Variants in EMCN observed in about 807,000 individuals in gnomAD.
EMCN encodes the protein MUC-14.
A neutral mutation model predicts 38.4 loss-of-function variants in EMCN; 37 were observed. The observed-to-expected ratio is 0.96, with a 90% CI of 0.74 to 1.27. The LOEUF (loss-of-function observed/expected upper bound fraction) is 1.27. Ranked by LOEUF, EMCN falls within the 50% of genes most tolerant of loss-of-function variation. The probability of loss-of-function intolerance (pLI) is 0.00; values close to 1 mark genes in which losing one functional copy is unlikely to be tolerated. For synonymous variants in EMCN, 95 were observed against 100.8 expected, an observed-to-expected ratio of 0.94 and a Z score of 0.35; for missense variants, 318 against 302.8, an observed-to-expected ratio of 1.05 and a Z score of -0.37.
At chr4:100,430,196 T>C (rs1276651491) in intron 5 of EMCN, among the ~76,000 whole-genome samples, 3 of 152,142 alleles carry the variant, frequency 2.0e-5, no homozygotes, top group Admixed American at 6.6e-5. Flanking sequence ...TTATTAGTAT[T>C]TGCATTTTAC....
At chr4:100,486,497 G>C (rs1020228888) in intron 1 of EMCN, among the ~76,000 whole-genome samples, 1 of 152,194 alleles carries the variant, frequency 6.6e-6, no homozygotes, top group African/African-American at 2.4e-5. Flanking sequence ...ATTGTAGCAA[G>C]CACAACAGTT....
At chr4:100,413,920 C>T (rs1331692652) in intron 10 of EMCN, among the ~76,000 whole-genome samples, 2 of 152,186 alleles carry the variant, frequency 1.3e-5, no homozygotes, top group African/African-American at 4.8e-5. Flanking sequence ...TCGTCTATTC[C>T]ACTTACTGCT....
chr4:100,432,836 A>T (rs1160253174), intron 5 of EMCN, among the ~76,000 whole-genome samples: 1 of 152,124 alleles, frequency 6.6e-6, no homozygotes, highest in Non-Finnish European at 1.5e-5. Flanking sequence ...ACTTAAATAA[A>T]TTTTTAAAAA....
intron 4 of EMCN, among the ~76,000 whole-genome samples, chr4:100,449,567 G>T (rs1403164515): frequency 6.6e-6 from 1 of 152,052 alleles, no homozygotes; most frequent in African/African-American, 2.4e-5. Context: ...TCTATTAGCT[G>T]CAAGAGGGTT....
rs1002536405 is a variant in EMCN at position 100,396,333 on chromosome 4, C to T, written c.*2080G>A. On this transcript the variant is annotated 3_prime_UTR_variant, in exon 12 of 12. Coordinates refer to ENST00000296420, the MANE Select transcript of EMCN (RefSeq NM_016242.4). ...TTTCTGACCATTAAAATTGTTCCCT[C>T]TTCCTAATTCTTGTAAACTCTTTTC... 3 of 152,090 alleles carry T rather than the reference C, an allele frequency of 2.0e-5. No homozygotes were observed. The highest frequency in any genetic ancestry group is 1.9e-4 in the East Asian group (1 of 5,190). The allele number at this position is 152,090 out of a possible 1,614,324, so 9.4% of individuals were successfully genotyped here.
At chr4:100,509,596 A>T (rs1049260399) in intron 1 of EMCN, among the ~76,000 whole-genome samples, 1 of 152,174 alleles carries the variant, frequency 6.6e-6, no homozygotes, top group African/African-American at 2.4e-5. Flanking sequence ...ACACCCTAGG[A>T]GGGCGATTTC....
intron 1 of EMCN, among the ~76,000 whole-genome samples, chr4:100,501,288 A>G (rs368347126): frequency 1.1e-4 from 17 of 152,150 alleles, no homozygotes; most frequent in Admixed American, 5.2e-4. Context: ...TACCAGCAGC[A>G]TTTATTGAAA....
At chr4:100,444,393 G>A (rs572003730) in intron 5 of EMCN, among the ~76,000 whole-genome samples, 3 of 152,280 alleles carry the variant, frequency 2.0e-5, no homozygotes, top group South Asian at 4.1e-4. Flanking sequence ...GTAGCATGCT[G>A]TCTTATCTGT....
chr4:100,428,488 A>G (rs1022244757), intron 5 of EMCN, among the ~76,000 whole-genome samples: 4 of 152,092 alleles, frequency 2.6e-5, no homozygotes, highest in Non-Finnish European at 5.9e-5. Context: ...TAATTTAGTT[A>G]GTTATTATTT....
chr4:100,505,999 A>G (rs1482624370), intron 1 of EMCN, among the ~76,000 whole-genome samples: 2 of 152,196 alleles, frequency 1.3e-5, no homozygotes, highest in African/African-American at 4.8e-5. Context: ...AAAGATGAAA[A>G]GTTTATATTC....
chr4:100,429,295 CTA>C (rs1727135541), intron 5 of EMCN, among the ~76,000 whole-genome samples: 1 of 152,080 alleles, frequency 6.6e-6, no homozygotes, highest in Non-Finnish European at 1.5e-5. Context: ...AGTGCTATGA[CTA>C]TAGTTGATGC....
intron 5 of EMCN, among the ~76,000 whole-genome samples, chr4:100,440,219 T>C (rs780527863): frequency 2.6e-4 from 39 of 152,218 alleles, no homozygotes; most frequent in Non-Finnish European, 4.4e-4. Context: ...TCTTTTTAAA[T>C]TATTTTTTAT....
intron 5 of EMCN, among the ~76,000 whole-genome samples, chr4:100,424,008 T>TGGAAA (rs1726975717): frequency 6.6e-6 from 1 of 152,022 alleles, no homozygotes. Flanking sequence ...TCCGTGCTCT[T>TGGAAA]TTTTTTCCAA....
At chr4:100,457,603 A>G (rs572129917) in intron 4 of EMCN, among the ~76,000 whole-genome samples, 2 of 152,134 alleles carry the variant, frequency 1.3e-5, no homozygotes, top group African/African-American at 2.4e-5. Context: ...TATTATATTG[A>G]TTGATTTTCC....
intron 1 of EMCN, among the ~76,000 whole-genome samples, chr4:100,484,424 T>A (rs1728888765): frequency 6.6e-6 from 1 of 152,090 alleles, no homozygotes; most frequent in Admixed American, 6.6e-5. Context: ...CACTAAAAGG[T>A]TTTTGTTTAA....
intron 3 of EMCN, among the ~76,000 whole-genome samples, chr4:100,467,534 T>G (rs922340385): frequency 6.6e-6 from 1 of 151,234 alleles, no homozygotes; most frequent in Non-Finnish European, 1.5e-5. Context: ...AAAAAAAAAT[T>G]AGCCGGGCGT....
intron 5 of EMCN, among the ~76,000 whole-genome samples, chr4:100,437,967 GA>G (rs1160538615): frequency 2.6e-5 from 4 of 151,798 alleles, no homozygotes; most frequent in Non-Finnish European, 5.9e-5. Flanking sequence ...GGATTGTGTT[GA>G]ATATATAGAA....
At chr4:100,422,217 C>T (rs1335041261) in intron 7 of EMCN, among the ~76,000 whole-genome samples, 1 of 152,116 alleles carries the variant, frequency 6.6e-6, no homozygotes, top group Non-Finnish European at 1.5e-5. Context: ...GGATGGTTTA[C>T]ACTTCCATTG....
intron 8 of EMCN, among the ~76,000 whole-genome samples, chr4:100,420,537 G>A (rs1726860235): frequency 6.6e-6 from 1 of 151,960 alleles, no homozygotes; most frequent in Admixed American, 6.6e-5. Flanking sequence ...CATGACAGCT[G>A]AGCCATGGGA....
Sources: allele counts gnomAD v4.1 joint callset (sites outside exome capture counted in the v4.1 genomes callset), GRCh38; gene constraint gnomAD v4.1.1; transcripts MANE v1.5; gene names NCBI Gene and HGNC (gene_info 2026-07-23, HGNC 2026-07-21).